Variants in TXLNB observed in about 807,000 individuals in gnomAD.
TXLNB encodes beta-taxilin.
TXLNB carries 37 observed loss-of-function variants against 57.4 expected under a neutral mutation model. The ratio of observed to expected loss-of-function variants is 0.64; its 90% CI spans 0.50 to 0.85. TXLNB has a LOEUF of 0.85. Among genes scored for constraint, TXLNB ranks in the 40% least tolerant of loss-of-function variants. TXLNB has a pLI of 0.00. For synonymous variants in TXLNB, 302 were observed against 309.6 expected (o/e 0.98, Z 0.26); for missense variants, 848 against 825.6 (o/e 1.03, Z -0.33).
At chr6:139,207,371 C>A in the TXLNB span, among the ~76,000 whole-genome samples, 2 of 151,966 alleles carry the variant, frequency 1.3e-5, no homozygotes, top group African/African-American at 4.8e-5. Context: ...AATAATCTGC[C>A]CTTGAATGAT....
At chr6:139,291,149 C>T (rs1441975413) in intron 1 of TXLNB, among the ~76,000 whole-genome samples, 2 of 152,212 alleles carry the variant, frequency 1.3e-5, no homozygotes, top group Non-Finnish European at 2.9e-5. Context: ...GAGAAAGACA[C>T]ACGGCACCTG....
At chr6:139,173,454 T>G in the TXLNB span, among the ~76,000 whole-genome samples, 4 of 152,144 alleles carry the variant, frequency 2.6e-5, no homozygotes, top group Non-Finnish European at 5.9e-5. Context: ...TTCCATCGGG[T>G]AAGGAGCAGG....
intron 7 of TXLNB, among the ~76,000 whole-genome samples, chr6:139,251,921 C>G (rs1209690029): frequency 6.6e-6 from 1 of 152,208 alleles, no homozygotes; most frequent in Non-Finnish European, 1.5e-5. Flanking sequence ...TGATTACATG[C>G]TTTCCACAAT....
the TXLNB span, among the ~76,000 whole-genome samples, chr6:139,199,453 C>A: frequency 6.6e-6 from 1 of 152,202 alleles, no homozygotes; most frequent in African/African-American, 2.4e-5. Context: ...AATGAGCAGA[C>A]AGGCTCTGCT....
chr6:139,173,135 GGC>G, the TXLNB span, among the ~76,000 whole-genome samples: 2 of 152,208 alleles, frequency 1.3e-5, no homozygotes, highest in Non-Finnish European at 2.9e-5. Flanking sequence ...GAGTAGATGT[GGC>G]ATGTGAGACC....
upstream of TXLNB, among the ~76,000 whole-genome samples, chr6:139,292,367 C>T (rs1326808527): frequency 1.3e-5 from 2 of 152,152 alleles, no homozygotes; most frequent in African/African-American, 2.4e-5. This position sits in a 1 kb window ranked among gnomAD's most constrained non-coding sequence, Gnocchi z 4.0. Flanking sequence ...GGGTAGAGAT[C>T]AGTTTTTCTT....
chr6:139,256,257 A>G (rs1394805473), intron 6 of TXLNB, among the ~76,000 whole-genome samples: 1 of 152,164 alleles, frequency 6.6e-6, no homozygotes, highest in Non-Finnish European at 1.5e-5. Context: ...GCCAACAATC[A>G]TTCAGCCTCT....
chr6:139,164,062 A>C, the TXLNB span, among the ~76,000 whole-genome samples: 5,363 of 124,078 alleles, frequency 0.043, 109 homozygotes, highest in Non-Finnish European at 0.056. Flanking sequence ...ACACACACAC[A>C]CACAAACACA....
At chr6:139,212,527 C>T in the TXLNB span, among the ~76,000 whole-genome samples, 1 of 152,110 alleles carries the variant, frequency 6.6e-6, no homozygotes, top group Non-Finnish European at 1.5e-5. Context: ...CAAAAACATG[C>T]CAAATTGTAA....
chr6:139,166,326 C>T, the TXLNB span: 19 of 1,612,452 alleles, frequency 1.2e-5, no homozygotes, highest in Middle Eastern at 1.6e-4. Context: ...TTCGGTAGGC[C>T]GGTGGACCTG....
chr6:139,288,625 G>A lies in TXLNB; in HGVS notation c.275C>T (p.Ala92Val), dbSNP rs1260129450. 6.2e-7 allele frequency: 1 copy of A among 1,614,180 alleles called. No individual in the cohort carries two copies. Among genetic ancestry groups the A allele is most frequent in the Non-Finnish European group, 8.5e-7 (1 of 1,180,038 alleles). ...CCCATCCTCGTTGTCAGGTGATTCT[G>A]CATTCTCAGGCTGCTCACTGGCCCT... ...SARASEQPEN[A>V]ESPDNEDGDC... The change falls in exon 2 of 10, where the codon GCA (alanine) becomes GTA (valine). Residue 92 changes from alanine (A) to valine (V), a missense_variant. Transcript: ENST00000358430.
the TXLNB span, among the ~76,000 whole-genome samples, chr6:139,321,684 T>C: frequency 1.5e-5 from 2 of 137,772 alleles, no homozygotes; most frequent in Non-Finnish European, 3.0e-5. Flanking sequence ...CAGGCTGGAG[T>C]GCAGTGGCAC....
chr6:139,163,788 C>A, the TXLNB span, among the ~76,000 whole-genome samples: 8 of 152,272 alleles, frequency 5.3e-5, no homozygotes, highest in Middle Eastern at 3.4e-3. Context: ...CTTTTCCTGG[C>A]CTCTGGTCTC....
chr6:139,241,294 T>G lies in TXLNB; in HGVS notation c.*1232A>C, dbSNP rs1168464707. On this transcript the variant is annotated 3_prime_UTR_variant, in exon 10 of 10. Transcript: ENST00000358430. ...CCTCATCACTGATATTGAGACCCAG[T>G]GTAGATTTGTGTTTTGGAAAAACAA... The G allele has an allele frequency of 2.0e-5, 3 of 152,152 alleles. No individual in the cohort carries two copies. The highest frequency in any genetic ancestry group is 4.4e-5 in the Non-Finnish European group (3 of 68,022). 9.4% of individuals were successfully genotyped at this position (152,152 alleles called of 1,614,324 possible).
At chr6:139,176,967 G>A in the TXLNB span, 3 of 872,534 alleles carry the variant, frequency 3.4e-6, no homozygotes, top group Admixed American at 5.1e-5. The surrounding 1 kb of genome is among the most constrained non-coding windows in gnomAD (Gnocchi z 4.5). Flanking sequence ...AGCACTGTGG[G>A]AAGCCGGTGA....
At position 139,247,918 on chromosome 6, in the gene TXLNB, A is replaced by T; in HGVS notation, c.1078-9T>A. The T allele has an allele frequency of 1.9e-6, 3 of 1,547,264 alleles. No individual in the cohort carries two copies. The highest frequency in any genetic ancestry group is 2.6e-6 in the Non-Finnish European group (3 of 1,132,590). Reference sequence around the variant, plus strand: ...CCTGAGTAGAGAGTGAGCTGTAAACAGAGGAAAGAGTGGATCTTTCAGAAT... The same window carrying T: ...CCTGAGTAGAGAGTGAGCTGTAAACTGAGGAAAGAGTGGATCTTTCAGAAT... On this transcript the variant is annotated splice_polypyrimidine_tract_variant and intron_variant, in intron 7 of 9. Transcript: ENST00000358430.
At chr6:139,261,269 C>G (rs1252809859) in intron 5 of TXLNB, among the ~76,000 whole-genome samples, 1 of 152,198 alleles carries the variant, frequency 6.6e-6, no homozygotes, top group Non-Finnish European at 1.5e-5. Context: ...TTTCCTTTCA[C>G]TCCTTCCTAT....
the TXLNB span, among the ~76,000 whole-genome samples, chr6:139,173,696 C>A: frequency 6.6e-6 from 1 of 152,320 alleles, no homozygotes; most frequent in African/African-American, 2.4e-5. Context: ...CTTCCATATA[C>A]ACTAGGATGA....
chr6:139,237,076 G>A (rs1775843754), downstream of TXLNB, among the ~76,000 whole-genome samples: 2 of 152,182 alleles, frequency 1.3e-5, no homozygotes, highest in Non-Finnish European at 2.9e-5. Flanking sequence ...GGGCTCATCA[G>A]TTTATGTCCC....
Sources: allele counts gnomAD v4.1 joint callset (sites outside exome capture counted in the v4.1 genomes callset), GRCh38; gene constraint gnomAD v4.1.1; non-coding constraint Gnocchi (gnomAD v3.1); transcripts MANE v1.5; gene names NCBI Gene and HGNC (gene_info 2026-07-23, HGNC 2026-07-21).